RIMS1: variants seen among roughly 807,000 people sequenced by gnomAD.
The protein encoded by RIMS1 is regulating synaptic membrane exocytosis protein 1.
In RIMS1, 83 loss-of-function variants were observed where a neutral mutation model predicts 214.1. That is an observed-to-expected ratio of 0.39 (90% CI 0.32 to 0.47). RIMS1 has a LOEUF of 0.47. RIMS1 is among the 20% of genes least tolerant of loss of function. RIMS1 has a pLI of 0.99. For synonymous variants in RIMS1, 793 were observed against 786.8 expected, an observed-to-expected ratio of 1.01 and a Z score of -0.13; for missense variants, 2,050 against 2,161.8, an observed-to-expected ratio of 0.95 and a Z score of 1.03.
chr6:72,061,295 G>C (rs956099810), intron 2 of RIMS1, among the ~76,000 whole-genome samples: 1 of 152,148 alleles, frequency 6.6e-6, no homozygotes, highest in African/African-American at 2.4e-5. Context: ...TTATAATGTG[G>C]TATTAAAGAT....
At chr6:72,068,705 C>T (rs926035732) in intron 2 of RIMS1, among the ~76,000 whole-genome samples, 10 of 151,902 alleles carry the variant, frequency 6.6e-5, no homozygotes, top group African/African-American at 2.2e-4. Flanking sequence ...GGGCGGATCA[C>T]GAGGTCAGGA....
At chr6:72,175,709 G>A (rs2496502) in intron 4 of RIMS1, among the ~76,000 whole-genome samples, 72,589 of 151,478 alleles carry the variant, frequency 0.48, 18,561 homozygotes, top group East Asian at 0.83. Flanking sequence ...TCTAGACCTC[G>A]TCGTGAATCA....
At chr6:72,272,215 G>C (rs2083758045) in intron 22 of RIMS1, among the ~76,000 whole-genome samples, 1 of 152,102 alleles carries the variant, frequency 6.6e-6, no homozygotes. Context: ...TCAATAACCA[G>C]AGTTGGGAAG....
chr6:72,171,405 C>A (rs752257733), intron 4 of RIMS1, among the ~76,000 whole-genome samples: 3 of 151,256 alleles, frequency 2.0e-5, no homozygotes, highest in East Asian at 1.9e-4. Flanking sequence ...CACACACACA[C>A]ACCTCCATGG....
intron 22 of RIMS1, among the ~76,000 whole-genome samples, chr6:72,271,286 A>ATATATATATATATATATATATATAT (rs1554403465): frequency 2.3e-5 from 1 of 44,412 alleles, no homozygotes. Context: ...AAAAAAAAAA[A>ATATATATATATATATATATATATAT]ATATATATAT....
At chr6:72,179,380 T>C (rs1250492523) in intron 4 of RIMS1, 195 bp from the exon 5 acceptor site, 12 of 629,904 alleles carry the variant, frequency 1.9e-5, no homozygotes, top group Non-Finnish European at 3.4e-5. Flanking sequence ...AGAGGCTCTC[T>C]AGTCTCAGAC....
chr6:72,292,313 A>T (rs991514176), intron 26 of RIMS1, among the ~76,000 whole-genome samples: 3 of 152,144 alleles, frequency 2.0e-5, no homozygotes, highest in Non-Finnish European at 4.4e-5. Context: ...ATCTTATTCC[A>T]AAGTGACAAA....
At chr6:72,114,593 G>A (rs947019948) in intron 4 of RIMS1, among the ~76,000 whole-genome samples, 1 of 151,884 alleles carries the variant, frequency 6.6e-6, no homozygotes, top group African/African-American at 2.4e-5. Flanking sequence ...CATGAGCCAT[G>A]CTTAATTTTC....
chr6:72,173,352 A>G (rs1176929872), intron 4 of RIMS1, among the ~76,000 whole-genome samples: 1 of 150,390 alleles, frequency 6.6e-6, no homozygotes, highest in East Asian at 2.0e-4. Flanking sequence ...ATATGCAATG[A>G]CTTCTCCATT....
At chr6:72,235,551 T>C (rs916405351) in intron 7 of RIMS1, 67 bp from the exon 8 acceptor site, 133 of 1,017,282 alleles carry the variant, frequency 1.3e-4, no homozygotes, top group Non-Finnish European at 2.0e-4. Flanking sequence ...AAGACTTCAT[T>C]CTTTTTATAG....
chr6:72,028,337 T>C (rs1311586606), intron 2 of RIMS1, among the ~76,000 whole-genome samples: 1 of 151,534 alleles, frequency 6.6e-6, no homozygotes. Context: ...AAGAAGTCTA[T>C]GTAATTATTT....
At chr6:72,099,283 G>A (rs980010181) in intron 3 of RIMS1, among the ~76,000 whole-genome samples, 1 of 152,140 alleles carries the variant, frequency 6.6e-6, no homozygotes, top group Non-Finnish European at 1.5e-5. Flanking sequence ...GGACACTCAC[G>A]CCTAGTGTAG....
At chr6:72,158,290 C>T (rs1401037113) in intron 4 of RIMS1, among the ~76,000 whole-genome samples, 2 of 141,124 alleles carry the variant, frequency 1.4e-5, no homozygotes, top group Non-Finnish European at 3.2e-5. Context: ...TATTTTCCTA[C>T]ATCACCAAAG....
intron 2 of RIMS1, among the ~76,000 whole-genome samples, chr6:72,059,966 T>G (rs929214089): frequency 6.6e-6 from 1 of 151,762 alleles, no homozygotes; most frequent in Non-Finnish European, 1.5e-5. Context: ...GAGACGGAGT[T>G]TTGCTCTTCT....
intron 29 of RIMS1, among the ~76,000 whole-genome samples, chr6:72,364,013 T>G (rs2097909642): frequency 6.6e-6 from 1 of 152,210 alleles, no homozygotes; most frequent in African/African-American, 2.4e-5. Flanking sequence ...CTCACCAGAT[T>G]CCATGGAACA....
intron 6 of RIMS1, among the ~76,000 whole-genome samples, chr6:72,200,478 A>G (rs1031307290): frequency 1.3e-5 from 2 of 152,152 alleles, no homozygotes; most frequent in African/African-American, 2.4e-5. Flanking sequence ...GGCTTTCTGT[A>G]GTTTCTTCTT....
At chr6:72,009,185 C>G (rs1387519430) in intron 2 of RIMS1, among the ~76,000 whole-genome samples, 1 of 152,138 alleles carries the variant, frequency 6.6e-6, no homozygotes, top group Non-Finnish European at 1.5e-5. Flanking sequence ...CAAAACAGCT[C>G]AACTACATGG....
At position 72,125,836 on chromosome 6, in the gene RIMS1, C is replaced by T. The variant is rs566091126; in HGVS notation, c.471+25850C>T. Reference sequence around the variant, plus strand: ...CTCCTGGTGTGCTGTTTGCTAAGACCGTTGGAAAAGTGCAGTATTAGGGAG... The same window carrying T: ...CTCCTGGTGTGCTGTTTGCTAAGACTGTTGGAAAAGTGCAGTATTAGGGAG... On this transcript the variant is annotated intron_variant, in intron 4 of 33. Coordinates refer to ENST00000521978, the MANE Select transcript of RIMS1 (RefSeq NM_014989.7). 2.1e-4 allele frequency among the ~76,000 whole-genome samples: 32 copies of T among 152,296 alleles called. No individual in the cohort carries two copies. The East Asian group carries it at 2.5e-3, about 12-fold the overall frequency.
intron 1 of RIMS1, among the ~76,000 whole-genome samples, chr6:71,899,519 C>G (rs888514060): frequency 6.6e-6 from 1 of 151,934 alleles, no homozygotes; most frequent in Non-Finnish European, 1.5e-5. Context: ...TATATATACT[C>G]TCATCTCACC....
Sources: allele counts gnomAD v4.1 joint callset (sites outside exome capture counted in the v4.1 genomes callset), GRCh38; gene constraint gnomAD v4.1.1; transcripts MANE v1.5; gene names NCBI Gene and HGNC (gene_info 2026-07-23, HGNC 2026-07-21).